Variants in IGF2BP3 observed in about 807,000 individuals in gnomAD.
IGF2BP3 encodes the protein insulin-like growth factor 2 mRNA-binding protein 3.
In IGF2BP3, 9 loss-of-function variants were observed where a neutral mutation model predicts 73.8. The observed-to-expected ratio is 0.12, with a 90% CI of 0.07 to 0.21. The LOEUF (loss-of-function observed/expected upper bound fraction) is 0.21. IGF2BP3 is among the 10% of genes least tolerant of loss of function. The pLI, the probability that IGF2BP3 is intolerant of heterozygous loss-of-function variation, is 1.00. For synonymous variants in IGF2BP3, 258 were observed against 256.7 expected (o/e 1.01, Z -0.05); for missense variants, 542 against 714.0 (o/e 0.76, Z 2.75).
intron 3 of IGF2BP3, among the ~76,000 whole-genome samples, chr7:23,404,780 C>T (rs972345499): frequency 2.0e-5 from 3 of 151,828 alleles, no homozygotes; most frequent in Non-Finnish European, 4.4e-5. Flanking sequence ...TGGGGATGGC[C>T]TTAGTACTGA....
At chr7:23,402,976 T>C (rs2128526642) in intron 3 of IGF2BP3, among the ~76,000 whole-genome samples, 1 of 152,308 alleles carries the variant, frequency 6.6e-6, no homozygotes, top group African/African-American at 2.4e-5. Context: ...ACAGACCAGG[T>C]ATGTCACACA....
intron 3 of IGF2BP3, chr7:23,402,548 G>A (rs943866840): frequency 3.3e-5 from 5 of 152,268 alleles, no homozygotes; most frequent in Non-Finnish European, 5.9e-5. Flanking sequence ...CACCTTCCAC[G>A]GGAAAGTATT....
rs1341932432 is a variant in IGF2BP3, at chr7:23,319,150, T to A, written c.1308A>T (p.Gly436=). ...GGTAGAACAGTACCTTAATTGAAGC[T>A]CCAGCAAAGCGAGAAAGCTGCTTGA... is the stretch of plus-strand genomic sequence containing the variant. The part of the protein sequence containing the change: ...QHIKQLSRFA[G]ASIKIAPAEA... The change falls in exon 11 of 15, where the codon GGA becomes GGT. Residue 436 remains glycine, a synonymous_variant. Coordinates refer to ENST00000258729, the MANE Select transcript of IGF2BP3 (RefSeq NM_006547.3). 30 of 1,611,046 alleles carry A rather than the reference T, an allele frequency of 1.9e-5. No homozygotes were observed. Among genetic ancestry groups the A allele is most frequent in the Non-Finnish European group, 2.5e-5 (29 of 1,177,640 alleles).
intron 5 of IGF2BP3, among the ~76,000 whole-genome samples, chr7:23,353,030 A>G (rs1320545073): frequency 6.6e-6 from 1 of 152,166 alleles, no homozygotes; most frequent in African/African-American, 2.4e-5. Flanking sequence ...TCATAAACAT[A>G]CACCTAACAA....
At chr7:23,461,390 A>C (rs1390583733) in intron 2 of IGF2BP3, among the ~76,000 whole-genome samples, 1 of 152,108 alleles carries the variant, frequency 6.6e-6, no homozygotes, top group Non-Finnish European at 1.5e-5. Flanking sequence ...CTCCAAATTG[A>C]TATATCTGCC....
At chr7:23,442,165 A>C (rs1228988204) in intron 2 of IGF2BP3, among the ~76,000 whole-genome samples, 2 of 152,218 alleles carry the variant, frequency 1.3e-5, no homozygotes, top group Admixed American at 6.5e-5. Context: ...TTCTCTTTCA[A>C]AATTGTAAAT....
intron 3 of IGF2BP3, among the ~76,000 whole-genome samples, chr7:23,383,699 T>C (rs1785985904): frequency 6.6e-6 from 1 of 152,088 alleles, no homozygotes; most frequent in Non-Finnish European, 1.5e-5. Flanking sequence ...CATAGAAGCA[T>C]TACTATAGCC....
chr7:23,464,546 T>C (rs1459090761), intron 2 of IGF2BP3, among the ~76,000 whole-genome samples: 1 of 152,154 alleles, frequency 6.6e-6, no homozygotes, highest in Admixed American at 6.5e-5. Context: ...TAGCCAGGCA[T>C]GGTGGCGCAT....
chr7:23,459,560 C>T (rs143393502), intron 2 of IGF2BP3, among the ~76,000 whole-genome samples: 2 of 152,154 alleles, frequency 1.3e-5, no homozygotes, highest in East Asian at 1.9e-4. Context: ...GGGCCAGGTG[C>T]GGTGACTCAA....
Position 23,311,518 on chromosome 7 carries a change from A to C in IGF2BP3, c.*844T>G, listed in dbSNP as rs1394862893. ...TTTCCCAACTATAAATGAAAGAATA[A>C]ATGGTAGTGCTGCTCTCCAGATACT... On this transcript the variant is annotated 3_prime_UTR_variant, in exon 15 of 15. Coordinates refer to ENST00000258729, the MANE Select transcript of IGF2BP3 (RefSeq NM_006547.3). 7 of 152,346 alleles carry C rather than the reference A, an allele frequency of 4.6e-5. No homozygotes were observed. Among genetic ancestry groups the C allele is most frequent in the Admixed American group, 2.0e-4 (3 of 15,278 alleles). The allele number at this position is 152,346 out of a possible 1,614,324, so 9.4% of individuals were successfully genotyped here.
chr7:23,409,209 T>C (rs145328834), intron 3 of IGF2BP3, among the ~76,000 whole-genome samples: 90 of 152,298 alleles, frequency 5.9e-4, no homozygotes, highest in Non-Finnish European at 1.1e-3. Flanking sequence ...AGGCCACAGA[T>C]GGTACCAGTC....
intron 2 of IGF2BP3, among the ~76,000 whole-genome samples, chr7:23,465,290 C>T (rs1389054311): frequency 6.6e-6 from 1 of 152,202 alleles, no homozygotes; most frequent in African/African-American, 2.4e-5. Context: ...TGTTCTGTAT[C>T]TTTTATATTT....
At chr7:23,341,280 G>A (rs1228510077) in intron 10 of IGF2BP3, among the ~76,000 whole-genome samples, 1 of 152,054 alleles carries the variant, frequency 6.6e-6, no homozygotes. Flanking sequence ...CACTCAACAT[G>A]GAAAACACAC....
At chr7:23,338,084 T>TA (rs1473215869) in intron 10 of IGF2BP3, among the ~76,000 whole-genome samples, 1 of 151,958 alleles carries the variant, frequency 6.6e-6, no homozygotes, top group Non-Finnish European at 1.5e-5. Flanking sequence ...TATGCCAAAA[T>TA]AGAGTTAGAA....
intron 2 of IGF2BP3, among the ~76,000 whole-genome samples, chr7:23,439,047 A>G (rs1343992049): frequency 6.6e-6 from 1 of 152,140 alleles, no homozygotes; most frequent in Non-Finnish European, 1.5e-5. Flanking sequence ...GCTAAAGACC[A>G]GCCTGGGCAA....
intron 9 of IGF2BP3, 107 bp from the exon 10 acceptor site, chr7:23,342,296 G>T: frequency 8.1e-7 from 1 of 1,239,844 alleles, no homozygotes. Context: ...ATAAAGAAAT[G>T]ATTGTATAAC....
At chr7:23,414,759 G>C (rs1485649954) in intron 3 of IGF2BP3, 1 of 163,630 alleles carries the variant, frequency 6.1e-6, no homozygotes, top group African/African-American at 2.4e-5. Context: ...GTACTAGAAA[G>C]CAGGAGTCGG....
intron 10 of IGF2BP3, among the ~76,000 whole-genome samples, chr7:23,336,939 CTCTGTCT>C (rs1784588709): frequency 6.6e-6 from 1 of 151,086 alleles, no homozygotes; most frequent in Non-Finnish European, 1.5e-5. Context: ...CAGGGCAAGA[CTCTGTCT>C]CCAAAAGAAA....
intron 11 of IGF2BP3, among the ~76,000 whole-genome samples, chr7:23,318,051 G>C (rs1296916863): frequency 6.6e-6 from 1 of 152,152 alleles, no homozygotes; most frequent in African/African-American, 2.4e-5. Flanking sequence ...TGATCACACA[G>C]CTAACAGAGC....
Sources: gnomAD v4.1 joint callset for allele counts (sites outside exome capture counted in the v4.1 genomes callset) on GRCh38, gnomAD v4.1.1 for gene constraint, MANE v1.5 for transcripts, NCBI Gene and HGNC (gene_info 2026-07-23, HGNC 2026-07-21) for gene names.